The following FILIP1 variants were observed in gnomAD, a reference collection of about 807,000 sequenced individuals.
FILIP1 encodes the protein filamin A interacting protein 1, also known as filamin-A-interacting protein 1.
A neutral mutation model predicts 102.1 loss-of-function variants in FILIP1; 61 were observed. That is an observed-to-expected ratio of 0.60 (90% CI 0.49 to 0.74). The LOEUF (loss-of-function observed/expected upper bound fraction) is 0.74, where lower values mean the gene tolerates loss of function less well. FILIP1 is among the 30% of genes least tolerant of loss of function. FILIP1 has a pLI of 0.00. For synonymous variants in FILIP1, 491 were observed against 526.9 expected (o/e 0.93, Z 0.93); for missense variants, 1,314 against 1,441.2 (o/e 0.91, Z 1.43).
At chr6:75,428,184 C>T (rs1439500941) in intron 1 of FILIP1, among the ~76,000 whole-genome samples, 1 of 152,224 alleles carries the variant, frequency 6.6e-6, no homozygotes, top group Admixed American at 6.5e-5. Flanking sequence ...GAGTCTCAGT[C>T]CAATATTACT....
chr6:75,400,690 A>C (rs1357290501), intron 2 of FILIP1, among the ~76,000 whole-genome samples: 3 of 152,214 alleles, frequency 2.0e-5, no homozygotes, highest in Middle Eastern at 3.4e-3. Flanking sequence ...GCCCCCCAAC[A>C]GTCTGGTGCT....
chr6:75,463,692 T>A (rs1056840155), intron 1 of FILIP1, among the ~76,000 whole-genome samples: 1 of 152,236 alleles, frequency 6.6e-6, no homozygotes, highest in Non-Finnish European at 1.5e-5. Flanking sequence ...AAAAGCATTA[T>A]GAAAGCCATG....
intron 1 of FILIP1, among the ~76,000 whole-genome samples, chr6:75,462,597 C>T (rs541459015): frequency 6.6e-5 from 10 of 151,926 alleles, no homozygotes; most frequent in African/African-American, 2.4e-4. Flanking sequence ...TATATATATA[C>T]ACACACATAC....
intron 4 of FILIP1, among the ~76,000 whole-genome samples, chr6:75,329,805 G>C (rs1774007206): frequency 6.6e-6 from 1 of 151,960 alleles, no homozygotes; most frequent in Non-Finnish European, 1.5e-5. Flanking sequence ...TACATAGTAG[G>C]TATATACACT....
rs1773059538 is a variant in FILIP1, at chr6:75,308,535, C to T, written c.*156G>A. 1 of 1,453,212 alleles carries T rather than the reference C, an allele frequency of 6.9e-7. No homozygotes were observed. The allele number at this position is 1,453,212 out of a possible 1,614,324, so 90.0% of individuals were successfully genotyped here. ...GTTCCCCAGCATCAAAACAAATGCA[C>T]AAAATGGGAAAGACAAATGGTTATT... is the stretch of plus-strand genomic sequence containing the variant. On this transcript the variant is annotated 3_prime_UTR_variant, in exon 6 of 6. Coordinates refer to ENST00000237172, the MANE Select transcript of FILIP1 (RefSeq NM_015687.5).
intron 1 of FILIP1, among the ~76,000 whole-genome samples, chr6:75,475,124 C>T (rs150788311): frequency 4.7e-4 from 72 of 152,080 alleles, no homozygotes; most frequent in Non-Finnish European, 6.6e-4. Flanking sequence ...TATGGCAATG[C>T]GAGAATGGAC....
At chr6:75,307,833 C>A (rs1185500689), downstream of FILIP1, among the ~76,000 whole-genome samples, 1 of 152,070 alleles carries the variant, frequency 6.6e-6, no homozygotes, top group African/African-American at 2.4e-5. Context: ...CATTTTTTCC[C>A]TTGGCATTAA....
intron 1 of FILIP1, chr6:75,465,320 A>G (rs1779131157): frequency 2.6e-6 from 1 of 378,392 alleles, no homozygotes; most frequent in Non-Finnish European, 4.8e-6. Context: ...CTGAATATAC[A>G]GCCTTAAAAT....
intron 2 of FILIP1, among the ~76,000 whole-genome samples, chr6:75,378,538 C>A (rs546144966): frequency 6.6e-6 from 1 of 152,232 alleles, no homozygotes; most frequent in African/African-American, 2.4e-5. Flanking sequence ...GTTAGCATCC[C>A]GAATCTCTCA....
intron 2 of FILIP1, among the ~76,000 whole-genome samples, chr6:75,384,261 A>C (rs1776005425): frequency 6.6e-6 from 1 of 152,218 alleles, no homozygotes; most frequent in South Asian, 2.1e-4. Flanking sequence ...GTTTGAAATA[A>C]CAATTTCCAC....
At chr6:75,466,545 G>A (rs1339038515) in intron 1 of FILIP1, among the ~76,000 whole-genome samples, 3 of 152,164 alleles carry the variant, frequency 2.0e-5, no homozygotes, top group African/African-American at 7.2e-5. Context: ...ATTCCTGAAT[G>A]CCTATTCTGC....
At chr6:75,368,772 A>C (rs376656683) in intron 2 of FILIP1, among the ~76,000 whole-genome samples, 206 of 152,324 alleles carry the variant, frequency 1.4e-3, no homozygotes, top group South Asian at 5.8e-3. Context: ...TAATAAACTC[A>C]TGAAAAGCTT....
intron 1 of FILIP1, among the ~76,000 whole-genome samples, chr6:75,426,419 A>T (rs1777627553): frequency 6.6e-6 from 1 of 152,166 alleles, no homozygotes; most frequent in African/African-American, 2.4e-5. Flanking sequence ...ATGCCATGGG[A>T]TATGCAGACA....
intron 6 of FILIP1, chr6:75,296,475 T>TTTTTTATTATTATTA (rs565379089): frequency 2.0e-4 from 28 of 140,392 alleles, no homozygotes; most frequent in African/African-American, 5.8e-4. Flanking sequence ...ACTCTATATG[T>TTTTTTATTATTATTA]TTATTATTAT....
In FILIP1 at chr6:75,308,827, C is replaced by T; in HGVS notation, c.3506G>A (p.Gly1169Glu). The change falls in exon 6 of 6, where the codon GGA (glycine) becomes GAA (glutamate). Residue 1169 changes from glycine to glutamate, a missense_variant. Physicochemically the swap from Gly to Glu is moderately conservative, Grantham distance 98 (BLOSUM62 -2). Around this residue, in one of 3 missense-constraint regions of FILIP1, gnomAD observed 816 missense variants for 913.1 expected, o/e 0.89. Coordinates refer to ENST00000237172, the MANE Select transcript of FILIP1 (RefSeq NM_015687.5). ...RIPMSKGMKA[G>E]KPVVAAPGAG... ...TCCTGGGGCTGCCACTACTGGCTTT[C>T]CTGCTTTCATACCTTTTGACATAGG... 1 of 1,614,142 alleles carries T rather than the reference C, an allele frequency of 6.2e-7. No individual in the cohort carries two copies. Among genetic ancestry groups the T allele is most frequent in the Non-Finnish European group, 8.5e-7 (1 of 1,180,022 alleles).
At chr6:75,457,382 A>G (rs1778871702) in intron 1 of FILIP1, among the ~76,000 whole-genome samples, 1 of 152,202 alleles carries the variant, frequency 6.6e-6, no homozygotes, top group Admixed American at 6.5e-5. Flanking sequence ...TTAGGGTAGA[A>G]AGGAGGAGTG....
At chr6:75,465,632 C>T (rs1779139794) in intron 1 of FILIP1, 1 of 346,626 alleles carries the variant, frequency 2.9e-6, no homozygotes, top group Non-Finnish European at 5.2e-6. Flanking sequence ...TCATTTTCCA[C>T]AGTAGTATAT....
chr6:75,340,930 CT>C (rs1323803874), intron 4 of FILIP1, among the ~76,000 whole-genome samples: 1 of 144,532 alleles, frequency 6.9e-6, no homozygotes, highest in Non-Finnish European at 1.5e-5. Context: ...TCTCGAACTC[CT>C]GACCTCAAGT....
At chr6:75,387,791 G>A (rs186881830) in intron 2 of FILIP1, among the ~76,000 whole-genome samples, 160 of 152,236 alleles carry the variant, frequency 1.1e-3, no homozygotes, top group African/African-American at 3.6e-3. Context: ...AGTCCTTCGT[G>A]AGATGGATAG....
Sources: allele counts gnomAD v4.1 joint callset (sites outside exome capture counted in the v4.1 genomes callset), GRCh38; gene constraint gnomAD v4.1.1; regional missense constraint gnomAD v4.1.1; transcripts MANE v1.5; gene names NCBI Gene and HGNC (gene_info 2026-07-23, HGNC 2026-07-21).